Variants in KLF12 observed in about 807,000 individuals in gnomAD.
The protein encoded by KLF12 is KLF transcription factor 12.
Under a neutral mutation model 37.8 loss-of-function variants are expected in KLF12, and 9 were observed. The ratio of observed to expected loss-of-function variants is 0.24; its 90% confidence interval spans 0.14 to 0.42. KLF12 has a LOEUF of 0.42. Among genes scored for constraint, KLF12 ranks in the 10% least tolerant of loss-of-function variants. The pLI is 1.00. For missense variants in KLF12, 411 were observed against 516.0 expected, an observed-to-expected ratio of 0.80 and a Z score of 1.97; for synonymous variants, 208 against 202.1, an observed-to-expected ratio of 1.03 and a Z score of -0.25.
chr13:74,220,521 A>AT, the KLF12 span, among the ~76,000 whole-genome samples: 4 of 152,224 alleles, frequency 2.6e-5, no homozygotes, highest in African/African-American at 9.6e-5. Flanking sequence ...CATACCTATC[A>AT]TTTTTTGTGG....
At chr13:73,893,101 T>G (rs1194625934) in intron 3 of KLF12, among the ~76,000 whole-genome samples, 1 of 151,974 alleles carries the variant, frequency 6.6e-6, no homozygotes, top group Non-Finnish European at 1.5e-5. Context: ...CTTTCTAACA[T>G]CTTATTTTGA....
At chr13:73,794,406 A>G (rs1881851402) in intron 5 of KLF12, among the ~76,000 whole-genome samples, 1 of 152,236 alleles carries the variant, frequency 6.6e-6, no homozygotes, top group African/African-American at 2.4e-5. Context: ...GGTTGCAGTG[A>G]GCAAGATTGC....
the KLF12 span, among the ~76,000 whole-genome samples, chr13:74,248,674 A>G: frequency 2.6e-5 from 4 of 152,292 alleles, no homozygotes; most frequent in East Asian, 7.7e-4. Flanking sequence ...GGCTAACCTG[A>G]TGTTTGTGGC....
the KLF12 span, among the ~76,000 whole-genome samples, chr13:74,202,415 C>A: frequency 6.6e-6 from 1 of 152,112 alleles, no homozygotes; most frequent in African/African-American, 2.4e-5. Context: ...ACTCACACCC[C>A]CTCTGAGGAA....
chr13:74,088,683 C>A (rs1257247924), intron 1 of KLF12, among the ~76,000 whole-genome samples: 3 of 152,224 alleles, frequency 2.0e-5, no homozygotes, highest in Non-Finnish European at 4.4e-5. Context: ...GGGTTACTAT[C>A]TGCCCTCTGC....
the KLF12 span, among the ~76,000 whole-genome samples, chr13:74,166,295 T>C: frequency 2.6e-5 from 4 of 152,074 alleles, no homozygotes; most frequent in Non-Finnish European, 5.9e-5. Context: ...TTTTGCCATG[T>C]TGCCTAGGGA....
the KLF12 span, among the ~76,000 whole-genome samples, chr13:74,269,442 T>C: frequency 6.6e-6 from 1 of 152,168 alleles, no homozygotes; most frequent in African/African-American, 2.4e-5. Flanking sequence ...ACAATATTTA[T>C]GTGTGATGGA....
chr13:73,697,778 A>G (rs553890728), intron 7 of KLF12, among the ~76,000 whole-genome samples: 1 of 152,036 alleles, frequency 6.6e-6, no homozygotes, highest in Non-Finnish European at 1.5e-5. Context: ...GAAAACAATA[A>G]AATTTCATCT....
chr13:73,768,623 C>A (rs1465988211), intron 5 of KLF12, among the ~76,000 whole-genome samples: 1 of 152,082 alleles, frequency 6.6e-6, no homozygotes, highest in Non-Finnish European at 1.5e-5. Context: ...AAGTTATGAC[C>A]CATTCAAGAA....
upstream of KLF12, among the ~76,000 whole-genome samples, chr13:74,137,304 A>G (rs1358399644): frequency 2.0e-5 from 3 of 152,258 alleles, no homozygotes; most frequent in African/African-American, 7.2e-5. Context: ...AAGTACGGTC[A>G]TAGAATTTGG....
chr13:74,257,452 T>C, the KLF12 span: 16 of 152,148 alleles, frequency 1.1e-4, no homozygotes, highest in African/African-American at 3.9e-4. Flanking sequence ...AACACGACAC[T>C]GAAATTCAGC....
chr13:73,804,254 A>T (rs1882444841), intron 5 of KLF12, among the ~76,000 whole-genome samples: 1 of 152,196 alleles, frequency 6.6e-6, no homozygotes, highest in African/African-American at 2.4e-5. Flanking sequence ...AGTTCATCCC[A>T]TAAAGTTTGA....
intron 4 of KLF12, among the ~76,000 whole-genome samples, chr13:73,822,983 G>C (rs59790886): frequency 3.0e-4 from 46 of 152,288 alleles, no homozygotes; most frequent in African/African-American, 1.1e-3. Context: ...TATAGGCAGA[G>C]ATGTAAAATA....
intron 5 of KLF12, among the ~76,000 whole-genome samples, chr13:73,804,470 C>T (rs1175804014): frequency 6.6e-6 from 1 of 151,880 alleles, no homozygotes; most frequent in Non-Finnish European, 1.5e-5. Flanking sequence ...ACTGTCCCAC[C>T]ACAGCAGATA....
the KLF12 span, among the ~76,000 whole-genome samples, chr13:74,142,662 G>A: frequency 0.97 from 147,054 of 152,240 alleles, 71,226 homozygotes; most frequent in East Asian, 1. Context: ...AAGCTTTTCG[G>A]TGAAAGAATG....
chr13:74,114,998 C>T (rs1475328630), intron 1 of KLF12, among the ~76,000 whole-genome samples: 8 of 151,846 alleles, frequency 5.3e-5, no homozygotes, highest in African/African-American at 1.5e-4. Flanking sequence ...TAATGCCTGA[C>T]GATCTAAGGT....
chr13:74,100,650 T>C (rs1876283663), intron 1 of KLF12, among the ~76,000 whole-genome samples: 1 of 151,864 alleles, frequency 6.6e-6, no homozygotes, highest in South Asian at 2.1e-4. Context: ...AACATAGATA[T>C]AAACACCTCA....
chr13:74,288,076 A>G, the KLF12 span, among the ~76,000 whole-genome samples: 4 of 106,752 alleles, frequency 3.7e-5, no homozygotes, highest in Non-Finnish European at 8.9e-5. Flanking sequence ...TGAAGGGGGG[A>G]AGGAAAAAAA....
the KLF12 span, among the ~76,000 whole-genome samples, chr13:74,141,775 A>C: frequency 2.0e-5 from 3 of 152,200 alleles, no homozygotes; most frequent in Non-Finnish European, 4.4e-5. Flanking sequence ...CAATGGCTGG[A>C]AATGGGTCAC....
Sources: allele counts gnomAD v4.1 joint callset (sites outside exome capture counted in the v4.1 genomes callset), GRCh38; gene constraint gnomAD v4.1.1; transcripts MANE v1.5; gene names NCBI Gene and HGNC (gene_info 2026-07-23, HGNC 2026-07-21).